The following EYS variants were observed in gnomAD, a reference collection of about 807,000 sequenced individuals.
EYS encodes the protein protein eyes shut homolog.
EYS carries 250 observed loss-of-function variants against 282.1 expected under a neutral mutation model. The observed-to-expected ratio is 0.89, with a 90% CI of 0.80 to 0.98. The LOEUF (loss-of-function observed/expected upper bound fraction) is 0.98, where lower values mean the gene tolerates loss of function less well. Ranked by LOEUF, EYS falls within the 50% of genes least tolerant of loss-of-function variation. The probability of loss-of-function intolerance (pLI) is 0.00; values close to 1 mark genes in which losing one functional copy is unlikely to be tolerated. For synonymous variants in EYS, 1,355 were observed against 1,282.9 expected (o/e 1.06, Z -1.20); for missense variants, 4,016 against 3,709.0 (o/e 1.08, Z -2.15).
At chr6:64,203,236 A>T (rs945845673) in intron 31 of EYS, among the ~76,000 whole-genome samples, 71 of 152,224 alleles carry the variant, frequency 4.7e-4, no homozygotes, top group African/African-American at 1.6e-3. Context: ...TGAACAGAGT[A>T]GCCAATGGAC....
At chr6:65,698,642 C>A (rs1302911809) in intron 1 of EYS, among the ~76,000 whole-genome samples, 2 of 152,148 alleles carry the variant, frequency 1.3e-5, no homozygotes, top group Non-Finnish European at 2.9e-5. Flanking sequence ...GTGTGCACTA[C>A]TGTTTTTTGT....
intron 12 of EYS, among the ~76,000 whole-genome samples, chr6:65,146,996 C>A (rs1764495518): frequency 6.6e-6 from 1 of 151,930 alleles, no homozygotes; most frequent in Admixed American, 6.6e-5. Context: ...ATAGTGCATT[C>A]TACTTTTTGT....
intron 12 of EYS, among the ~76,000 whole-genome samples, chr6:65,104,633 A>G (rs1774983235): frequency 6.6e-6 from 1 of 151,318 alleles, no homozygotes; most frequent in Admixed American, 6.6e-5. Context: ...AACTCACTTC[A>G]TGTTTCTTTT....
chr6:65,216,454 T>G (rs1766317045), intron 12 of EYS, among the ~76,000 whole-genome samples: 1 of 151,942 alleles, frequency 6.6e-6, no homozygotes, highest in Non-Finnish European at 1.5e-5. Flanking sequence ...ATAGCATTAA[T>G]GTACACAAAT....
chr6:64,357,599 G>A (rs112236264), intron 29 of EYS, among the ~76,000 whole-genome samples: 35 of 151,664 alleles, frequency 2.3e-4, no homozygotes, highest in African/African-American at 7.2e-4. Flanking sequence ...AGCCTGTTGG[G>A]AAAGGAAGCA....
chr6:63,834,378 A>G (rs962694070), intron 36 of EYS, among the ~76,000 whole-genome samples: 9 of 152,062 alleles, frequency 5.9e-5, no homozygotes, highest in Admixed American at 2.0e-4. Flanking sequence ...AAACCCCATC[A>G]AAAAGTGGGT....
chr6:65,648,931 G>A (rs909681552), intron 1 of EYS, among the ~76,000 whole-genome samples: 12 of 151,692 alleles, frequency 7.9e-5, no homozygotes, highest in Non-Finnish European at 1.8e-4. Flanking sequence ...TAGATCACGG[G>A]GTCAGGAGAT....
chr6:65,014,622 A>G (rs1474131434), intron 13 of EYS, among the ~76,000 whole-genome samples: 2 of 152,136 alleles, frequency 1.3e-5, no homozygotes, highest in African/African-American at 4.8e-5. Context: ...AAACAAATCA[A>G]TATGAATGGA....
intron 12 of EYS, among the ~76,000 whole-genome samples, chr6:65,235,499 T>C (rs1766900589): frequency 6.6e-6 from 1 of 152,144 alleles, no homozygotes; most frequent in South Asian, 2.1e-4. Flanking sequence ...ACATATCATA[T>C]TTCTCCTTTA....
intron 26 of EYS, among the ~76,000 whole-genome samples, chr6:64,505,023 C>T (rs1777167900): frequency 6.6e-6 from 1 of 152,102 alleles, no homozygotes; most frequent in African/African-American, 2.4e-5. Flanking sequence ...TTGAAAATTC[C>T]TGTATTACCA....
At chr6:63,973,385 C>A (rs780187295) in intron 35 of EYS, among the ~76,000 whole-genome samples, 7 of 151,988 alleles carry the variant, frequency 4.6e-5, no homozygotes, top group Non-Finnish European at 8.8e-5. Context: ...GGAACTTAAA[C>A]AAATTTACAA....
chr6:64,661,046 C>T (rs1192920665), intron 22 of EYS, among the ~76,000 whole-genome samples: 3 of 152,072 alleles, frequency 2.0e-5, no homozygotes, highest in African/African-American at 4.8e-5. Context: ...GAGATATAGA[C>T]CAATGGAACA....
At chr6:64,429,813 T>A (rs1043517575) in intron 28 of EYS, among the ~76,000 whole-genome samples, 1 of 152,194 alleles carries the variant, frequency 6.6e-6, no homozygotes, top group African/African-American at 2.4e-5. Flanking sequence ...AGGTTTATGA[T>A]ACAGGAACAA....
intron 39 of EYS, 142 bp from the exon 40 acceptor site, chr6:63,778,322 G>A: frequency 1.2e-6 from 1 of 855,998 alleles, no homozygotes; most frequent in South Asian, 1.7e-5. Flanking sequence ...TAAGAATACA[G>A]AAATGCGCAG....
intron 12 of EYS, among the ~76,000 whole-genome samples, chr6:65,163,842 T>G (rs1429170502): frequency 6.6e-6 from 1 of 151,318 alleles, no homozygotes; most frequent in African/African-American, 2.4e-5. Context: ...TTATGCATTG[T>G]CCATGACAGT....
chr6:65,191,033 C>T lies in EYS; in HGVS notation c.2023+104830G>A, dbSNP rs895823949. Among the ~76,000 whole-genome samples the T allele has an allele frequency of 2.0e-5, 3 of 151,760 alleles. No homozygotes were observed. In the Admixed American group the frequency reaches 2.0e-4, roughly 10 times the overall value. On this transcript the variant is annotated intron_variant, in intron 12 of 42. Coordinates refer to ENST00000503581, the MANE Select transcript of EYS (RefSeq NM_001142800.2). ...AAAATTGAGCTAAATCTATTCCCGC[C>T]TTAGCAAAATTCTTCATGAATGTGA...
chr6:64,697,787 TA>T (rs1234708011), intron 22 of EYS, among the ~76,000 whole-genome samples: 2 of 151,300 alleles, frequency 1.3e-5, no homozygotes, highest in Non-Finnish European at 3.0e-5. Context: ...ACTAAAAATA[TA>T]AAAATTAGCT....
At chr6:64,066,768 G>C (rs1484845634) in intron 32 of EYS, among the ~76,000 whole-genome samples, 1 of 152,008 alleles carries the variant, frequency 6.6e-6, no homozygotes, top group Non-Finnish European at 1.5e-5. Context: ...TTTTAAACCT[G>C]TTTCCCCATA....
chr6:64,813,647 T>C, intron 21 of EYS, 70 bp from the exon 22 acceptor site: 1 of 951,768 alleles, frequency 1.1e-6, no homozygotes, highest in Non-Finnish European at 1.4e-6. Flanking sequence ...TAATTATATT[T>C]TTATTTAAAC....
Sources: gnomAD v4.1 joint callset for allele counts (sites outside exome capture counted in the v4.1 genomes callset) on GRCh38, gnomAD v4.1.1 for gene constraint, MANE v1.5 for transcripts, NCBI Gene and HGNC (gene_info 2026-07-23, HGNC 2026-07-21) for gene names.